TRPM3: variants seen among roughly 807,000 people sequenced by gnomAD.
TRPM3 encodes the protein transient receptor potential cation channel subfamily M member 3.
TRPM3 carries 77 observed loss-of-function variants against 181.2 expected under a neutral mutation model. The observed-to-expected ratio is 0.42, with a 90% CI of 0.35 to 0.51. TRPM3 has a LOEUF of 0.51. Among genes scored for constraint, TRPM3 ranks in the 20% least tolerant of loss-of-function variants. The pLI is 0.01. For synonymous variants in TRPM3, 745 were observed against 796.4 expected (o/e 0.94, Z 1.09); for missense variants, 1,759 against 2,196.7 (o/e 0.80, Z 3.98).
At chr9:71,197,122 T>A (rs2078432603) in intron 1 of TRPM3, among the ~76,000 whole-genome samples, 1 of 152,126 alleles carries the variant, frequency 6.6e-6, no homozygotes, top group Admixed American at 6.5e-5. Flanking sequence ...CATGCGATGT[T>A]TGGTTTTTTG....
rs200465046 is a variant in TRPM3 at position 71,342,200 on chromosome 9, A to C, written c.183+104453T>G. Among the ~76,000 whole-genome samples the C allele has an allele frequency of 1.0e-3, 150 of 146,678 alleles. No individual in the cohort carries two copies. In the East Asian group the frequency reaches 0.018, roughly 17 times the overall value. On this transcript the variant is annotated intron_variant, in intron 1 of 24. Coordinates refer to the TRPM3 transcript ENST00000357533. Reference sequence around the variant, plus strand: ...TCTCCATAAAGTTTGGCACATTTGGAATGCCAAATGTGCCAAACTTTATGG... The same window carrying C: ...TCTCCATAAAGTTTGGCACATTTGGCATGCCAAATGTGCCAAACTTTATGG...
rs1011154855 is a variant in TRPM3, at chr9:70,529,260, C to T, written c.*6693G>A. 2.0e-4 allele frequency: 31 copies of T among 151,892 alleles called. No individual in the cohort carries two copies. Among genetic ancestry groups the T allele is most frequent in the African/African-American group, 7.3e-4 (30 of 41,318 alleles). 9.4% of individuals were successfully genotyped at this position (151,892 alleles called of 1,614,324 possible). Reference sequence around the variant, plus strand: ...AAGGATTTATATATATTTATAGTGTCGATAGATATGCATACCGTGGTCCAT... The same window carrying T: ...AAGGATTTATATATATTTATAGTGTTGATAGATATGCATACCGTGGTCCAT... On this transcript the variant is annotated 3_prime_UTR_variant, in exon 26 of 26. Transcript: ENST00000677713.
At chr9:71,416,581 T>C (rs2093640422) in intron 1 of TRPM3, among the ~76,000 whole-genome samples, 2 of 151,914 alleles carry the variant, frequency 1.3e-5, no homozygotes, top group Non-Finnish European at 2.9e-5. Context: ...AAAAGCACTA[T>C]ATTTTAAAAA....
intron 20 of TRPM3, among the ~76,000 whole-genome samples, chr9:70,602,049 C>T (rs1453290464): frequency 6.6e-6 from 1 of 150,416 alleles, no homozygotes; most frequent in Non-Finnish European, 1.5e-5. Flanking sequence ...GAAGAAAAGG[C>T]ACCATGAATG....
At chr9:71,021,313 A>T (rs1052541803) in intron 1 of TRPM3, among the ~76,000 whole-genome samples, 5 of 152,204 alleles carry the variant, frequency 3.3e-5, no homozygotes, top group African/African-American at 1.2e-4. Flanking sequence ...AGCTATGCAG[A>T]TATAATTTGT....
intron 7 of TRPM3, chr9:70,783,823 G>C: frequency 1.0e-5 from 11 of 1,061,348 alleles, no homozygotes; most frequent in Non-Finnish European, 1.3e-5. Flanking sequence ...AAGGAGATAC[G>C]AAGAGAAGAA....
chr9:71,123,430 C>T (rs547311451), upstream of TRPM3, among the ~76,000 whole-genome samples: 2 of 152,082 alleles, frequency 1.3e-5, no homozygotes, highest in Non-Finnish European at 2.9e-5. Context: ...TTAAAATAAA[C>T]CCTTATGCCT....
chr9:70,993,796 AAAAAAAAAAG>A (rs1209351966), intron 1 of TRPM3, among the ~76,000 whole-genome samples: 2 of 128,968 alleles, frequency 1.6e-5, no homozygotes, highest in African/African-American at 2.7e-5. Context: ...AAAAAAAAAA[AAAAAAAAAAG>A]AAAGAAAGAA....
In TRPM3 at chr9:71,339,595, T is replaced by C. The variant is rs549013336; in HGVS notation, c.183+107058A>G. On this transcript the variant is annotated intron_variant, in intron 1 of 24. Coordinates refer to the TRPM3 transcript ENST00000357533. ...AAGACACACTTTTAAATAAATCATG[T>C]TGGCATAATTATCATCTATTTGGGA... 9.9e-5 allele frequency among the ~76,000 whole-genome samples: 15 copies of C among 152,266 alleles called. No individual in the cohort carries two copies. The East Asian group carries it at 1.4e-3, about 14-fold the overall frequency.
chr9:71,279,182 T>C (rs2084497532), intron 1 of TRPM3, among the ~76,000 whole-genome samples: 1 of 151,960 alleles, frequency 6.6e-6, no homozygotes, highest in African/African-American at 2.4e-5. Flanking sequence ...TTACTACAAA[T>C]ATTTCCTTTG....
chr9:70,956,085 G>A (rs2097066612), intron 1 of TRPM3, among the ~76,000 whole-genome samples: 1 of 152,086 alleles, frequency 6.6e-6, no homozygotes. Context: ...TTTGAAGGGT[G>A]CCCGATTGAG....
intron 1 of TRPM3, among the ~76,000 whole-genome samples, chr9:70,868,238 A>G (rs2095697018): frequency 6.6e-6 from 1 of 151,992 alleles, no homozygotes; most frequent in Admixed American, 6.6e-5. Flanking sequence ...GTCTTTCTGC[A>G]TTATCAGTCA....
At chr9:70,555,293 G>A (rs1008888503) in intron 22 of TRPM3, among the ~76,000 whole-genome samples, 1 of 152,166 alleles carries the variant, frequency 6.6e-6, no homozygotes, top group African/African-American at 2.4e-5. Context: ...AAGGACTTGG[G>A]TAGGTATCTT....
At chr9:70,795,534 A>G (rs1361253292) in intron 6 of TRPM3, among the ~76,000 whole-genome samples, 1 of 152,216 alleles carries the variant, frequency 6.6e-6, no homozygotes, top group Non-Finnish European at 1.5e-5. Flanking sequence ...GACTGATAAT[A>G]TGCCAAATTA....
chr9:71,446,686 G>A (rs1437123525), exon 1 of TRPM3: 3 of 1,550,440 alleles, frequency 1.9e-6, no homozygotes, highest in African/African-American at 1.4e-5. Context: ...CCGAGCGTTT[G>A]GTGGACCCCT....
intron 8 of TRPM3, among the ~76,000 whole-genome samples, chr9:70,694,601 C>T (rs993110393): frequency 4.6e-5 from 7 of 152,184 alleles, no homozygotes; most frequent in Non-Finnish European, 7.3e-5. Flanking sequence ...CTGCCTCAGC[C>T]TCCCGAGTAG....
At chr9:70,661,570 C>T (rs748597067) in intron 9 of TRPM3, among the ~76,000 whole-genome samples, 2 of 151,848 alleles carry the variant, frequency 1.3e-5, no homozygotes, top group African/African-American at 2.4e-5. Context: ...CTCCTAGATC[C>T]AATAAACAAA....
intron 1 of TRPM3, among the ~76,000 whole-genome samples, chr9:71,005,629 T>A (rs2097665059): frequency 6.6e-6 from 1 of 151,898 alleles, no homozygotes; most frequent in Non-Finnish European, 1.5e-5. Flanking sequence ...ATATTCAAAG[T>A]ACTGAGAGGA....
chr9:70,890,775 G>A (rs530687869), intron 1 of TRPM3, among the ~76,000 whole-genome samples: 9 of 151,884 alleles, frequency 5.9e-5, no homozygotes, highest in Non-Finnish European at 7.4e-5. Context: ...AATATGCTCC[G>A]TAAACAGGAA....
Sources: gnomAD v4.1 joint callset for allele counts (sites outside exome capture counted in the v4.1 genomes callset) on GRCh38, gnomAD v4.1.1 for gene constraint, MANE v1.5 for transcripts, NCBI Gene and HGNC (gene_info 2026-07-23, HGNC 2026-07-21) for gene names.